NPR3: variants seen among roughly 807,000 people sequenced by gnomAD.
The protein encoded by NPR3 is atrial natriuretic peptide receptor 3.
In NPR3, 34 loss-of-function variants were observed where a neutral mutation model predicts 54.5. That is an observed-to-expected ratio of 0.62 (90% confidence interval 0.47 to 0.83). NPR3 has a LOEUF of 0.83. Among genes scored for constraint, NPR3 ranks in the 40% least tolerant of loss-of-function variants. The probability of loss-of-function intolerance (pLI) is 0.00; values close to 1 mark genes in which losing one functional copy is unlikely to be tolerated. For synonymous variants in NPR3, 289 were observed against 297.1 expected, an observed-to-expected ratio of 0.97 and a Z score of 0.28; for missense variants, 674 against 720.8, an observed-to-expected ratio of 0.94 and a Z score of 0.74.
chr5:32,743,122 T>C lies in NPR3; in HGVS notation c.1059+4092T>C, dbSNP rs1740119139. On this transcript the variant is annotated intron_variant, in intron 3 of 7. Coordinates refer to ENST00000265074, the MANE Select transcript of NPR3 (RefSeq NM_001204375.2). ...ATATTTATAATTTACCAAATTTTGA[T>C]GGATTAATGCCATTTTGTTTTGGTA... 2.0e-5 allele frequency among the ~76,000 whole-genome samples: 3 copies of C among 152,224 alleles called. No homozygotes were observed. The South Asian group carries it at 6.2e-4, about 32-fold the overall frequency.
chr5:32,718,691 T>C (rs890596819), intron 1 of NPR3, among the ~76,000 whole-genome samples: 5 of 151,996 alleles, frequency 3.3e-5, no homozygotes, highest in African/African-American at 9.7e-5. Flanking sequence ...TTTTTGCACA[T>C]TGATTTTGTA....
chr5:32,720,337 A>G (rs1291496510), intron 1 of NPR3, among the ~76,000 whole-genome samples: 1 of 152,238 alleles, frequency 6.6e-6, no homozygotes, highest in Admixed American at 6.5e-5. Flanking sequence ...AAATGTTAGC[A>G]CATTAGAGGT....
intron 3 of NPR3, among the ~76,000 whole-genome samples, chr5:32,748,297 G>C (rs764527500): frequency 5.9e-5 from 9 of 152,112 alleles, no homozygotes; most frequent in Non-Finnish European, 1.0e-4. Context: ...GTATCAGTAA[G>C]GATCTAGTCA....
intron 3 of NPR3, among the ~76,000 whole-genome samples, chr5:32,746,116 A>C (rs1011903675): frequency 1.3e-5 from 2 of 152,244 alleles, no homozygotes; most frequent in African/African-American, 4.8e-5. Flanking sequence ...AGCAGATCAC[A>C]TGTGGCATAT....
intron 2 of NPR3, among the ~76,000 whole-genome samples, chr5:32,731,573 T>C (rs1413504892): frequency 6.6e-6 from 1 of 152,232 alleles, no homozygotes; most frequent in Non-Finnish European, 1.5e-5. Context: ...AATAACTATT[T>C]AATAAATGTT....
intron 2 of NPR3, among the ~76,000 whole-genome samples, chr5:32,737,596 G>GT (rs1239858798): frequency 2.6e-5 from 4 of 152,120 alleles, no homozygotes; most frequent in African/African-American, 9.7e-5. Context: ...GGAGTTCCTT[G>GT]TATTTTCAGA....
intron 3 of NPR3, among the ~76,000 whole-genome samples, chr5:32,751,229 A>G (rs1448362404): frequency 1.3e-5 from 2 of 152,192 alleles, no homozygotes; most frequent in East Asian, 3.8e-4. Flanking sequence ...GCAATTTTAT[A>G]CCCTTTCTAC....
chr5:32,767,124 T>C (rs1001034871), intron 3 of NPR3, among the ~76,000 whole-genome samples: 5 of 152,260 alleles, frequency 3.3e-5, no homozygotes, highest in African/African-American at 1.2e-4. Context: ...ACAGCATACA[T>C]GCTCACTTGT....
upstream of NPR3, chr5:32,710,415 T>G: frequency 2.1e-5 from 6 of 290,946 alleles, no homozygotes; most frequent in Non-Finnish European, 3.8e-5. Flanking sequence ...CGAGGACGCT[T>G]TGGGGATGCT....
At chr5:32,763,353 C>T (rs970034314) in intron 3 of NPR3, among the ~76,000 whole-genome samples, 1 of 152,004 alleles carries the variant, frequency 6.6e-6, no homozygotes, top group African/African-American at 2.4e-5. Flanking sequence ...TGCTCTGTTG[C>T]CCAGGCTAGA....
intron 5 of NPR3, 30 bp downstream of exon 5, chr5:32,780,846 C>T (rs1274560337): frequency 1.0e-6 from 1 of 972,858 alleles, no homozygotes; most frequent in African/African-American, 1.6e-5. Context: ...GCACCAGTTG[C>T]TCCTTCTGCT....
chr5:32,720,827 C>T (rs140650728), intron 1 of NPR3, among the ~76,000 whole-genome samples: 202 of 152,246 alleles, frequency 1.3e-3, no homozygotes, highest in African/African-American at 4.5e-3. Flanking sequence ...TATAGTTCTC[C>T]TGAATATGCT....
rs1223897047 is a variant in NPR3, at chr5:32,724,719, G to A, written c.791G>A (p.Ser264Asn). 2.5e-6 allele frequency: 4 copies of A among 1,613,858 alleles called. No individual in the cohort carries two copies. The highest frequency in any genetic ancestry group is 3.4e-6 in the Non-Finnish European group (4 of 1,179,892). The change falls in exon 2 of 8, where the codon AGT (serine) becomes AAT (asparagine). Residue 264 changes from serine to asparagine, a missense_variant. Ser to Asn is a conservative substitution (Grantham distance 46). Transcript: ENST00000265074. ...CTAGTGGTGATCATGTGTGCGAGCAGTGACACCATCCGGAGCATCATGCTG... is the reference window on the plus strand; with the variant it reads ...CTAGTGGTGATCATGTGTGCGAGCAATGACACCATCCGGAGCATCATGCTG... ...SERVVIMCAS[S>N]DTIRSIMLVA...
chr5:32,722,141 T>C (rs1029152189), intron 1 of NPR3, among the ~76,000 whole-genome samples: 3 of 151,302 alleles, frequency 2.0e-5, no homozygotes, highest in African/African-American at 7.3e-5. Context: ...AATGTAAAAA[T>C]AGAAAAAAAA....
At position 32,791,321 on chromosome 5, in the gene NPR3, C is replaced by T. The variant is rs1405816305; in HGVS notation, c.*4976C>T. The T allele has an allele frequency of 6.0e-6, 1 of 167,084 alleles. No homozygotes were observed. 10.4% of individuals were successfully genotyped at this position (167,084 alleles called of 1,614,324 possible). A position where few individuals can be genotyped will look rare whatever the true frequency, so the allele number is the denominator to read the frequency against. On this transcript the variant is annotated 3_prime_UTR_variant, in exon 8 of 8. Coordinates refer to ENST00000265074, the MANE Select transcript of NPR3 (RefSeq NM_001204375.2). ...GGATAGACCTTGTGACAGACCAATT[C>T]TGTGACCCCTGTCTTCTGGGTCACA... is the stretch of plus-strand genomic sequence containing the variant.
rs1742702092 is a variant in NPR3 at position 32,787,538 on chromosome 5, C to T, written c.*1193C>T. The T allele has an allele frequency of 6.6e-6, 1 of 152,172 alleles. No homozygotes were observed. Among genetic ancestry groups the T allele is most frequent in the Non-Finnish European group, 1.5e-5 (1 of 68,038 alleles). 9.4% of individuals were successfully genotyped at this position (152,172 alleles called of 1,614,324 possible). On this transcript the variant is annotated 3_prime_UTR_variant, in exon 8 of 8. Transcript: ENST00000265074. ...AGAAATGACAAATTTAAAACTTTTA[C>T]ACATGGCATTTACCAAAATTCCCAG...
chr5:32,753,599 C>T (rs1300109084), intron 3 of NPR3, among the ~76,000 whole-genome samples: 2 of 142,946 alleles, frequency 1.4e-5, no homozygotes, highest in Non-Finnish European at 3.0e-5. Context: ...TCCAATGCCT[C>T]TGAGCACCTC....
upstream of NPR3, chr5:32,710,824 A>G: frequency 1.4e-6 from 2 of 1,465,696 alleles, no homozygotes; most frequent in Non-Finnish European, 1.8e-6. Flanking sequence ...CACCGAAACC[A>G]CAATTTCTAG....
intron 1 of NPR3, among the ~76,000 whole-genome samples, chr5:32,692,539 C>T (rs1208677847): frequency 6.6e-6 from 1 of 152,186 alleles, no homozygotes; most frequent in Non-Finnish European, 1.5e-5. Flanking sequence ...TTTGATGTTA[C>T]AATATGATTA....
Sources: gnomAD v4.1 joint callset for allele counts (sites outside exome capture counted in the v4.1 genomes callset) on GRCh38, gnomAD v4.1.1 for gene constraint, MANE v1.5 for transcripts, NCBI Gene and HGNC (gene_info 2026-07-23, HGNC 2026-07-21) for gene names.